The following ZCCHC7 variants were observed in gnomAD, a reference collection of about 807,000 sequenced individuals.
The protein encoded by ZCCHC7 is zinc finger CCHC-type containing 7.
ZCCHC7 carries 35 observed loss-of-function variants against 52.0 expected under a neutral mutation model. The ratio of observed to expected loss-of-function variants is 0.67; its 90% CI spans 0.51 to 0.89. The LOEUF is 0.89. Among genes scored for constraint, ZCCHC7 ranks in the 40% least tolerant of loss-of-function variants. The pLI, the probability that ZCCHC7 is intolerant of heterozygous loss-of-function variation, is 0.00. For missense variants in ZCCHC7, 574 were observed against 649.1 expected, an observed-to-expected ratio of 0.88 and a Z score of 1.26; for synonymous variants, 217 against 221.5, an observed-to-expected ratio of 0.98 and a Z score of 0.18.
At chr9:37,229,423 A>G (rs1790244041) in intron 2 of ZCCHC7, among the ~76,000 whole-genome samples, 1 of 152,134 alleles carries the variant, frequency 6.6e-6, no homozygotes, top group African/African-American at 2.4e-5. Flanking sequence ...TTAAATCTAG[A>G]TGGCATAGCC....
At chr9:37,175,966 TA>T (rs755032643) in intron 2 of ZCCHC7, among the ~76,000 whole-genome samples, 47 of 152,260 alleles carry the variant, frequency 3.1e-4, no homozygotes, top group Non-Finnish European at 5.0e-4. Flanking sequence ...ATCAAAAATG[TA>T]AGAGGTTGAA....
At chr9:37,257,208 A>G (rs1482737450) in intron 2 of ZCCHC7, among the ~76,000 whole-genome samples, 2 of 152,150 alleles carry the variant, frequency 1.3e-5, no homozygotes, top group Non-Finnish European at 2.9e-5. Flanking sequence ...TTATTAACAC[A>G]GATTCTTTTC....
intron 2 of ZCCHC7, among the ~76,000 whole-genome samples, chr9:37,234,870 T>C (rs372924617): frequency 2.3e-4 from 35 of 152,386 alleles, no homozygotes; most frequent in African/African-American, 8.2e-4. Context: ...GAATGTCTGC[T>C]ATGTCGTTTT....
At chr9:37,186,245 T>G (rs1288725942) in intron 2 of ZCCHC7, among the ~76,000 whole-genome samples, 1 of 152,160 alleles carries the variant, frequency 6.6e-6, no homozygotes, top group Non-Finnish European at 1.5e-5. Flanking sequence ...ATCCCACCAT[T>G]TGTGGATAGC....
chr9:37,231,901 G>A (rs1199499704), intron 2 of ZCCHC7, among the ~76,000 whole-genome samples: 1 of 152,092 alleles, frequency 6.6e-6, no homozygotes, highest in Non-Finnish European at 1.5e-5. Context: ...TATCAAACAG[G>A]TATGTTATTC....
At chr9:37,262,479 T>C (rs540039040) in intron 2 of ZCCHC7, among the ~76,000 whole-genome samples, 2 of 152,328 alleles carry the variant, frequency 1.3e-5, no homozygotes, top group East Asian at 3.9e-4. Context: ...TTTTGATTTC[T>C]TAATGGCAGT....
At chr9:37,176,167 G>T (rs1822016799) in intron 2 of ZCCHC7, among the ~76,000 whole-genome samples, 1 of 152,096 alleles carries the variant, frequency 6.6e-6, no homozygotes, top group African/African-American at 2.4e-5. Context: ...GCCGCCTCCT[G>T]GGTTCATGCC....
At chr9:37,299,629 A>G (rs1179630906) in intron 2 of ZCCHC7, among the ~76,000 whole-genome samples, 2 of 152,242 alleles carry the variant, frequency 1.3e-5, no homozygotes, top group Non-Finnish European at 2.9e-5. Flanking sequence ...GGTAAAGATC[A>G]AGGGCAGGAA....
At position 37,304,171 on chromosome 9, in the gene ZCCHC7, A is replaced by G; in HGVS notation, c.655-17A>G. 6.5e-7 allele frequency: 1 copy of G among 1,536,132 alleles called. No homozygotes were observed. The highest frequency in any genetic ancestry group is 1.2e-5 in the South Asian group (1 of 81,458). On this transcript the variant is annotated splice_polypyrimidine_tract_variant and intron_variant, in intron 3 of 8. Transcript: ENST00000336755. The stretch of plus-strand genomic sequence containing the variant: ...AGTGAAACAATTTTTTTAATTCTTG[A>G]TTTTTTTTTCCCTTAGGCCCAGATA...
intron 2 of ZCCHC7, among the ~76,000 whole-genome samples, chr9:37,214,448 C>T (rs573654141): frequency 6.6e-6 from 1 of 151,904 alleles, no homozygotes; most frequent in African/African-American, 2.4e-5. Flanking sequence ...TTTTCAGCTG[C>T]TTTCATTATG....
chr9:37,315,718 C>G (rs1477326701), intron 5 of ZCCHC7, among the ~76,000 whole-genome samples: 1 of 150,410 alleles, frequency 6.6e-6, no homozygotes, highest in African/African-American at 2.4e-5. Flanking sequence ...AGACAGGAAC[C>G]AGTTCTAATG....
chr9:37,282,035 T>C (rs921478650), intron 2 of ZCCHC7, among the ~76,000 whole-genome samples: 1 of 152,218 alleles, frequency 6.6e-6, no homozygotes, highest in Non-Finnish European at 1.5e-5. Context: ...ATCTTAAACC[T>C]TTTGAGAGCT....
intron 2 of ZCCHC7, among the ~76,000 whole-genome samples, chr9:37,247,548 A>C (rs374513516): frequency 1.3e-3 from 195 of 152,286 alleles, no homozygotes; most frequent in African/African-American, 4.3e-3. Context: ...GTTTCTGAAA[A>C]TTATTTTCAG....
At chr9:37,244,886 A>G (rs999299370) in intron 2 of ZCCHC7, among the ~76,000 whole-genome samples, 8 of 151,904 alleles carry the variant, frequency 5.3e-5, no homozygotes, top group Non-Finnish European at 8.8e-5. Flanking sequence ...ATTTCCCCAT[A>G]AGAAGCCTAC....
In ZCCHC7 at chr9:37,348,343, G is replaced by GTTCTTTCT. The variant is rs768829753; in HGVS notation, c.988-1011_988-1010insTTTCTTTC. 1.7e-3 allele frequency among the ~76,000 whole-genome samples: 174 copies of GTTCTTTCT among 100,134 alleles called. 1 individual carries two copies. Among genetic ancestry groups the GTTCTTTCT allele is most frequent in the African/African-American group, 4.8e-3 (145 of 30,238 alleles). 65.7% of individuals were successfully genotyped at this position (100,134 alleles called of 152,430 possible). On this transcript the variant is annotated intron_variant, in intron 6 of 8. Transcript: ENST00000336755. ...TCTTTTCAATGACCAAGTGATACCA[G>GTTCTTTCT]TTCGTTCTTTCTTTCTTTCTTTCTT...
intron 2 of ZCCHC7, among the ~76,000 whole-genome samples, chr9:37,158,011 T>C (rs1483313978): frequency 6.6e-6 from 1 of 152,242 alleles, no homozygotes; most frequent in Non-Finnish European, 1.5e-5. Context: ...TTAGAGTATA[T>C]ACAGAATATA....
intron 2 of ZCCHC7, among the ~76,000 whole-genome samples, chr9:37,297,921 C>G (rs1295837461): frequency 5.3e-5 from 8 of 152,200 alleles, no homozygotes; most frequent in Non-Finnish European, 1.2e-4. Context: ...GGTGAACTAG[C>G]TTCTATCTTT....
chr9:37,349,488 G>T (rs1468328559), intron 7 of ZCCHC7, 36 bp downstream of exon 7: 1 of 1,583,116 alleles, frequency 6.3e-7, no homozygotes, highest in African/African-American at 1.4e-5. Flanking sequence ...GAAGCATTCT[G>T]TTGTCAGGGA....
At chr9:37,249,108 G>A (rs958951747) in intron 2 of ZCCHC7, among the ~76,000 whole-genome samples, 2 of 152,134 alleles carry the variant, frequency 1.3e-5, no homozygotes, top group African/African-American at 4.8e-5. Flanking sequence ...GAGAGGTGGG[G>A]AGATGGTTAC....
Sources: gnomAD v4.1 joint callset for allele counts (sites outside exome capture counted in the v4.1 genomes callset) on GRCh38, gnomAD v4.1.1 for gene constraint, MANE v1.5 for transcripts, NCBI Gene and HGNC (gene_info 2026-07-23, HGNC 2026-07-21) for gene names.